Variants in CSMD2 observed in about 807,000 individuals in gnomAD.
CSMD2 encodes the protein CUB and sushi domain-containing protein 2.
CSMD2 carries 130 observed loss-of-function variants against 398.5 expected under a neutral mutation model. The observed-to-expected ratio is 0.33, with a 90% CI of 0.28 to 0.38. CSMD2 has a LOEUF of 0.38. Ranked by LOEUF, CSMD2 falls within the 10% of genes least tolerant of loss-of-function variation. The pLI is 1.00. For missense variants in CSMD2, 3,829 were observed against 4,764.9 expected, an observed-to-expected ratio of 0.80 and a Z score of 5.78; for synonymous variants, 1,828 against 1,908.5, an observed-to-expected ratio of 0.96 and a Z score of 1.10.
chr1:33,675,845 C>T (rs951776629), intron 25 of CSMD2, among the ~76,000 whole-genome samples: 1 of 152,112 alleles, frequency 6.6e-6, no homozygotes, highest in Non-Finnish European at 1.5e-5. Context: ...TAAACAGAAC[C>T]AAAGACAAAA....
At chr1:33,761,535 A>G (rs981947208) in intron 13 of CSMD2, among the ~76,000 whole-genome samples, 3 of 152,208 alleles carry the variant, frequency 2.0e-5, no homozygotes, top group Non-Finnish European at 2.9e-5. Flanking sequence ...AATTCAAGGA[A>G]GGGTGTGGAT....
Position 34,089,198 on chromosome 1 carries a change from G to A in CSMD2, c.188-5C>T. ...GTTGGAACGTGCAGTTCTGGCCTGG[G>A]AAAGAGAAATGGAGCAGTTCAGAAT... On this transcript the variant is annotated splice_region_variant and splice_polypyrimidine_tract_variant and intron_variant, in intron 1 of 70. Transcript: ENST00000373381. 1 of 1,613,606 alleles carries A rather than the reference G, an allele frequency of 6.2e-7. No individual in the cohort carries two copies. Among genetic ancestry groups the A allele is most frequent in the African/African-American group, 1.3e-5 (1 of 75,016 alleles).
intron 2 of CSMD2, among the ~76,000 whole-genome samples, chr1:34,071,100 T>C (rs567119184): frequency 1.1e-4 from 16 of 152,196 alleles, no homozygotes; most frequent in Non-Finnish European, 2.4e-4. Context: ...CCATTGCTTA[T>C]GGAAGGACAA....
chr1:33,560,883 G>C (rs1427138846), intron 53 of CSMD2, among the ~76,000 whole-genome samples: 1 of 152,226 alleles, frequency 6.6e-6, no homozygotes, highest in African/African-American at 2.4e-5. Flanking sequence ...ATCAGCGAAT[G>C]AGTAAGTGCA....
chr1:33,913,165 C>T (rs369161204), intron 5 of CSMD2, among the ~76,000 whole-genome samples: 1 of 152,192 alleles, frequency 6.6e-6, no homozygotes, highest in Non-Finnish European at 1.5e-5. Flanking sequence ...GATCCAGGAA[C>T]AGAAGTGATG....
At chr1:33,575,496 G>A (rs1186882373) in intron 49 of CSMD2, among the ~76,000 whole-genome samples, 1 of 152,104 alleles carries the variant, frequency 6.6e-6, no homozygotes. Context: ...TGCTGGCCAC[G>A]GAACTAGGAT....
chr1:33,930,397 C>T (rs1180803306), intron 4 of CSMD2, among the ~76,000 whole-genome samples: 1 of 152,204 alleles, frequency 6.6e-6, no homozygotes, highest in Admixed American at 6.5e-5. Context: ...TTCTTTTTCA[C>T]ATTCTGCAGG....
intron 2 of CSMD2, among the ~76,000 whole-genome samples, chr1:34,054,733 C>A (rs1353039654): frequency 6.6e-6 from 1 of 152,062 alleles, no homozygotes; most frequent in South Asian, 2.1e-4. Context: ...GAGCGAGACT[C>A]TGTCTCTTTA....
intron 25 of CSMD2, among the ~76,000 whole-genome samples, chr1:33,672,989 A>G (rs1485646974): frequency 1.3e-5 from 2 of 152,260 alleles, no homozygotes; most frequent in Non-Finnish European, 2.9e-5. Context: ...GACCAAAGGT[A>G]GATAAAACCA....
intron 55 of CSMD2, among the ~76,000 whole-genome samples, chr1:33,554,497 T>G (rs926686362): frequency 6.6e-6 from 1 of 152,144 alleles, no homozygotes; most frequent in Admixed American, 6.5e-5. Context: ...GCCTTCTATT[T>G]GAAGAAGATG....
At chr1:34,070,858 C>A (rs1244719633) in intron 2 of CSMD2, among the ~76,000 whole-genome samples, 1 of 149,490 alleles carries the variant, frequency 6.7e-6, no homozygotes, top group Non-Finnish European at 1.5e-5. Context: ...CAAGATGCGT[C>A]CCCGTTCCTC....
intron 3 of CSMD2, among the ~76,000 whole-genome samples, chr1:34,028,589 CAA>C (rs1377402271): frequency 4.6e-5 from 7 of 152,146 alleles, no homozygotes; most frequent in African/African-American, 1.4e-4. Flanking sequence ...CTGCCTTACT[CAA>C]AGAGTTTTGC....
chr1:33,592,675 C>T lies in CSMD2; in HGVS notation c.6857-5507G>A, dbSNP rs572969803. 2.9e-4 allele frequency among the ~76,000 whole-genome samples: 44 copies of T among 152,208 alleles called. No individual in the cohort carries two copies. In the South Asian group the frequency reaches 4.6e-3, roughly 16 times the overall value. On this transcript the variant is annotated intron_variant, in intron 44 of 70. Coordinates refer to ENST00000373381, the MANE Select transcript of CSMD2 (RefSeq NM_001281956.2). ...TTTAAAAATTATCATGACGGCCGGG[C>T]GCGGTGGCTCACACCTATAATCCCA... is the stretch of plus-strand genomic sequence containing the variant.
At chr1:33,780,111 G>A (rs1238104573) in intron 12 of CSMD2, among the ~76,000 whole-genome samples, 1 of 152,154 alleles carries the variant, frequency 6.6e-6, no homozygotes, top group African/African-American at 2.4e-5. Context: ...TCCATCCTGT[G>A]GGTTGTCAGC....
At chr1:33,918,393 T>C (rs1643833640) in intron 4 of CSMD2, 92 bp from the exon 5 acceptor site, 7 of 1,013,166 alleles carry the variant, frequency 6.9e-6, no homozygotes, top group Non-Finnish European at 1.0e-5. Context: ...CATCCTTCTG[T>C]CTCCCAAGAG....
At chr1:33,937,048 G>A (rs1051835306) in intron 3 of CSMD2, among the ~76,000 whole-genome samples, 8 of 152,156 alleles carry the variant, frequency 5.3e-5, no homozygotes, top group Non-Finnish European at 8.8e-5. Flanking sequence ...TAACCTTTTT[G>A]CACTTTAGTT....
chr1:33,605,239 G>C, intron 42 of CSMD2, 43 bp downstream of exon 42: 4 of 1,577,266 alleles, frequency 2.5e-6, no homozygotes, highest in South Asian at 1.1e-5. Context: ...CAGTCTCCAC[G>C]AGTACCCCAG....
intron 10 of CSMD2, among the ~76,000 whole-genome samples, chr1:33,794,025 T>C (rs1654653241): frequency 6.6e-6 from 1 of 152,236 alleles, no homozygotes. Flanking sequence ...GCTCCTTTGC[T>C]TTCTGTTCTA....
chr1:33,602,642 T>C (rs1054349365), intron 42 of CSMD2, 96 bp from the exon 43 acceptor site: 84 of 1,113,762 alleles, frequency 7.5e-5, no homozygotes, highest in Non-Finnish European at 9.6e-5. Context: ...CCAGAACTAA[T>C]CATCCTGTCA....
Sources: allele counts gnomAD v4.1 joint callset (sites outside exome capture counted in the v4.1 genomes callset), GRCh38; gene constraint gnomAD v4.1.1; transcripts MANE v1.5; gene names NCBI Gene and HGNC (gene_info 2026-07-23, HGNC 2026-07-21).